Variants in WNT7A observed in about 807,000 individuals in gnomAD.
WNT7A encodes the protein Wnt family member 7A.
A neutral mutation model predicts 28.2 loss-of-function variants in WNT7A; 16 were observed. The ratio of observed to expected loss-of-function variants is 0.57; its 90% CI spans 0.38 to 0.86. The LOEUF (loss-of-function observed/expected upper bound fraction) is 0.86. WNT7A is among the 40% of genes least tolerant of loss of function. WNT7A has a pLI of 0.00. For synonymous variants in WNT7A, 190 were observed against 195.9 expected, an observed-to-expected ratio of 0.97 and a Z score of 0.25; for missense variants, 411 against 489.7, an observed-to-expected ratio of 0.84 and a Z score of 1.52.
At chr3:13,824,024 C>T (rs557217441) in intron 3 of WNT7A, among the ~76,000 whole-genome samples, 1 of 152,330 alleles carries the variant, frequency 6.6e-6, no homozygotes, top group East Asian at 1.9e-4. Context: ...GGGTGCTGCA[C>T]CAACTCTTTG....
intron 2 of WNT7A, among the ~76,000 whole-genome samples, chr3:13,871,017 T>A (rs565276583): frequency 1.3e-5 from 2 of 152,352 alleles, no homozygotes; most frequent in Admixed American, 1.3e-4. Flanking sequence ...AGGCATGCGA[T>A]GAAGAACTCT....
intron 2 of WNT7A, among the ~76,000 whole-genome samples, chr3:13,869,985 C>T (rs1180541807): frequency 6.6e-6 from 1 of 152,118 alleles, no homozygotes; most frequent in East Asian, 1.9e-4. Context: ...GTTTCCTCTG[C>T]CTGGAATCCC....
intron 3 of WNT7A, among the ~76,000 whole-genome samples, chr3:13,827,894 G>A (rs1402087655): frequency 6.6e-6 from 1 of 152,098 alleles, no homozygotes; most frequent in Non-Finnish European, 1.5e-5. Context: ...CTCCAGGAAT[G>A]TGCCCCCATT....
At chr3:13,860,483 G>C (rs556340038) in intron 2 of WNT7A, among the ~76,000 whole-genome samples, 1 of 152,108 alleles carries the variant, frequency 6.6e-6, no homozygotes, top group South Asian at 2.1e-4. Context: ...CATTCAAATC[G>C]GATGGCTTGC....
At position 13,844,372 on chromosome 3, in the gene WNT7A, C is replaced by CT. The variant is rs1353095814; in HGVS notation, c.570+10159dup. ...AGGCCTTGAGAGGGGCACACAGTGC[C>CT]TTGCAGTGAGCAGCTGAGTGCTGGC... On this transcript the variant is annotated intron_variant, in intron 3 of 3. Transcript: ENST00000285018. 3.9e-5 allele frequency among the ~76,000 whole-genome samples: 6 copies of CT among 152,354 alleles called. 1 individual carries two copies. In the East Asian group the frequency reaches 1.2e-3, roughly 29 times the overall value.
At chr3:13,833,296 G>A (rs750427067) in intron 3 of WNT7A, among the ~76,000 whole-genome samples, 10 of 151,998 alleles carry the variant, frequency 6.6e-5, no homozygotes, top group Non-Finnish European at 1.2e-4. Context: ...TTCTCATGCC[G>A]TCCATCCCTA....
At chr3:13,852,773 C>T (rs1245974211) in intron 3 of WNT7A, among the ~76,000 whole-genome samples, 1 of 152,188 alleles carries the variant, frequency 6.6e-6, no homozygotes, top group Non-Finnish European at 1.5e-5. Flanking sequence ...CCTCCATTTC[C>T]ATCCCTGTAG....
At chr3:13,843,636 A>T (rs754138447) in intron 3 of WNT7A, among the ~76,000 whole-genome samples, 18 of 152,052 alleles carry the variant, frequency 1.2e-4, no homozygotes, top group Non-Finnish European at 2.6e-4. Flanking sequence ...AAACGGGCAC[A>T]ATTACACTGC....
intron 3 of WNT7A, among the ~76,000 whole-genome samples, chr3:13,831,954 G>A (rs734176): frequency 0.16 from 25,041 of 151,970 alleles, 2,707 homozygotes; most frequent in East Asian, 0.56. Context: ...TAAAGACAAC[G>A]TGGAGGTCAG....
At chr3:13,879,637 G>A in intron 1 of WNT7A, 109 bp downstream of exon 1, 2 of 1,273,618 alleles carry the variant, frequency 1.6e-6, no homozygotes, top group Non-Finnish European at 2.2e-6. Context: ...CGGCCTCTCA[G>A]AGAAGCTGTG....
rs144967697 is a variant in WNT7A at position 13,823,246 on chromosome 3, C to T, written c.571-3823G>A. 6.2e-3 allele frequency among the ~76,000 whole-genome samples: 938 copies of T among 152,242 alleles called. 9 individuals carry two copies. The highest frequency in any genetic ancestry group is 0.021 in the African/African-American group (877 of 41,532). ...TGAGCTGCCCGAGGGGACTTATGAG[C>T]TCACCTCCCCACTTGAAGAGCCTGG... On this transcript the variant is annotated intron_variant, in intron 3 of 3. Coordinates refer to ENST00000285018, the MANE Select transcript of WNT7A (RefSeq NM_004625.4).
intron 2 of WNT7A, among the ~76,000 whole-genome samples, chr3:13,859,868 A>G (rs1214841466): frequency 1.3e-5 from 2 of 152,226 alleles, no homozygotes; most frequent in East Asian, 3.8e-4. Flanking sequence ...TTCCCTAGGA[A>G]AGCAACCCTC....
intron 2 of WNT7A, among the ~76,000 whole-genome samples, chr3:13,856,353 A>G (rs376107609): frequency 1.4e-4 from 22 of 152,376 alleles, no homozygotes; most frequent in African/African-American, 5.0e-4. Context: ...GGGCATGTCA[A>G]ATGCAGAAAT....
intron 3 of WNT7A, among the ~76,000 whole-genome samples, chr3:13,836,201 A>AC (rs1491545175): frequency 1.0e-5 from 1 of 98,264 alleles, no homozygotes; most frequent in African/African-American, 4.0e-5. Context: ...GCTGGTTTTT[A>AC]AAAAAAAAAA....
intron 3 of WNT7A, among the ~76,000 whole-genome samples, chr3:13,828,087 C>A (rs1389618765): frequency 1.3e-5 from 2 of 152,168 alleles, no homozygotes; most frequent in African/African-American, 4.8e-5. Context: ...CCTTTCCTAG[C>A]CCCCGAAACT....
At chr3:13,833,896 C>T (rs1165798919) in intron 3 of WNT7A, among the ~76,000 whole-genome samples, 1 of 152,234 alleles carries the variant, frequency 6.6e-6, no homozygotes, top group Non-Finnish European at 1.5e-5. Flanking sequence ...AACTTAATCC[C>T]TTCCCTGGCC....
chr3:13,838,998 A>C (rs1217775644), intron 3 of WNT7A, among the ~76,000 whole-genome samples: 1 of 152,250 alleles, frequency 6.6e-6, no homozygotes, highest in Non-Finnish European at 1.5e-5. Context: ...TTACATATTG[A>C]AATGATATGT....
chr3:13,846,557 T>C (rs764896278), intron 3 of WNT7A, among the ~76,000 whole-genome samples: 14 of 152,178 alleles, frequency 9.2e-5, no homozygotes, highest in Non-Finnish European at 8.8e-5. Flanking sequence ...AATTAGTATA[T>C]ATATTTCAAG....
chr3:13,842,081 GT>G (rs1056897215), intron 3 of WNT7A, among the ~76,000 whole-genome samples: 1 of 152,100 alleles, frequency 6.6e-6, no homozygotes, highest in African/African-American at 2.4e-5. Flanking sequence ...GGAGACAGGG[GT>G]GAGGGAGGGG....
Sources: gnomAD v4.1 joint callset for allele counts (sites outside exome capture counted in the v4.1 genomes callset) on GRCh38, gnomAD v4.1.1 for gene constraint, MANE v1.5 for transcripts, NCBI Gene and HGNC (gene_info 2026-07-23, HGNC 2026-07-21) for gene names.